EPB42: variants seen among roughly 807,000 people sequenced by gnomAD.
EPB42 encodes erythrocyte membrane protein band 4.2.
Under a neutral mutation model 76.9 loss-of-function variants are expected in EPB42, and 49 were observed. The observed-to-expected ratio is 0.64, with a 90% confidence interval of 0.51 to 0.81. The LOEUF (loss-of-function observed/expected upper bound fraction) is 0.81. Ranked by LOEUF, EPB42 falls within the 30% of genes least tolerant of loss-of-function variation. The probability of loss-of-function intolerance (pLI) is 0.00; values close to 1 mark genes in which losing one functional copy is unlikely to be tolerated. For missense variants in EPB42, 731 were observed against 867.6 expected (o/e 0.84, Z 1.98); for synonymous variants, 310 against 338.4 (o/e 0.92, Z 0.92).
At chr15:43,221,265 A>G (rs899836185), upstream of EPB42, 1 of 212,126 alleles carries the variant, frequency 4.7e-6, no homozygotes, top group African/African-American at 2.3e-5. Context: ...GGAGGCCACA[A>G]ACAGGAGTCC....
At chr15:43,222,489 T>C (rs374024794), upstream of EPB42, among the ~76,000 whole-genome samples, 9 of 152,240 alleles carry the variant, frequency 5.9e-5, no homozygotes, top group East Asian at 5.8e-4. Context: ...CCATCCTGTG[T>C]AGGACAACTC....
chr15:43,221,101 A>T, upstream of EPB42: 16 of 437,506 alleles, frequency 3.7e-5, no homozygotes, highest in East Asian at 1.4e-4. Context: ...AGGCCCAGGC[A>T]GGAATACGCC....
intron 12 of EPB42, 64 bp from the exon 13 acceptor site, chr15:43,197,528 G>A (rs2042060954): frequency 6.3e-7 from 1 of 1,590,296 alleles, no homozygotes. Flanking sequence ...TGGTCCCAGT[G>A]ACTTTGATCC....
At chr15:43,210,207 C>T (rs2042271872) in intron 5 of EPB42, 128 bp downstream of exon 5, 1 of 833,504 alleles carries the variant, frequency 1.2e-6, no homozygotes, top group African/African-American at 1.7e-5. Flanking sequence ...TAGGAACTGT[C>T]CCCACACCCT....
chr15:43,203,061 T>C, intron 11 of EPB42, 54 bp downstream of exon 11: 1 of 1,609,070 alleles, frequency 6.2e-7, no homozygotes, highest in Admixed American at 1.7e-5. Flanking sequence ...CCTTCTGAAA[T>C]GGGGACCTGA....
intron 1 of EPB42, among the ~76,000 whole-genome samples, chr15:43,219,939 C>T (rs1335320757): frequency 1.3e-5 from 2 of 148,228 alleles, no homozygotes; most frequent in African/African-American, 2.5e-5. Context: ...AGAGAGACTC[C>T]GTTTAAAAAA....
At chr15:43,201,505 G>A (rs1399048605) in intron 12 of EPB42, among the ~76,000 whole-genome samples, 1 of 152,178 alleles carries the variant, frequency 6.6e-6, no homozygotes, top group African/African-American at 2.4e-5. Flanking sequence ...TGACCACAAT[G>A]AAAGATAGCC....
intron 12 of EPB42, among the ~76,000 whole-genome samples, chr15:43,199,058 C>A (rs1391222373): frequency 6.6e-6 from 1 of 152,258 alleles, no homozygotes; most frequent in African/African-American, 2.4e-5. Flanking sequence ...GCAGGACCCT[C>A]ATGGAGAACC....
At chr15:43,216,231 G>T (rs2042376968) in intron 2 of EPB42, 37 bp downstream of exon 2, 1 of 1,610,802 alleles carries the variant, frequency 6.2e-7, no homozygotes, top group Non-Finnish European at 8.5e-7. Context: ...AACCCCCCAG[G>T]CCTGCTGCCA....
Position 43,206,090 on chromosome 15 carries a change from C to G in EPB42, c.1618+240G>C. The G allele has an allele frequency of 2.0e-6, 1 of 495,020 alleles. No homozygotes were observed. 30.7% of individuals were successfully genotyped at this position (495,020 alleles called of 1,614,324 possible). ...TGTTAAACTCAGCAAACACTTCTCA[C>G]ACTGCTACGAAGGGTCTGTTTACTT... On this transcript the variant is annotated intron_variant, in intron 10 of 12. Coordinates refer to ENST00000441366, the MANE Select transcript of EPB42 (RefSeq NM_001114134.2). The surrounding 1 kb of genome is among the most constrained non-coding windows in gnomAD (Gnocchi z 4.7).
chr15:43,216,098 A>G (rs2042373819), intron 2 of EPB42, among the ~76,000 whole-genome samples, 170 bp downstream of exon 2: 1 of 152,196 alleles, frequency 6.6e-6, no homozygotes, highest in South Asian at 2.1e-4. Context: ...AATATTTACC[A>G]GGCACATAAT....
intron 8 of EPB42, 67 bp downstream of exon 8, chr15:43,208,163 G>A (rs1364418690): frequency 6.3e-6 from 9 of 1,426,690 alleles, no homozygotes; most frequent in South Asian, 2.3e-5. Context: ...TGCTGCTCCC[G>A]AGTCCTCTCT....
upstream of EPB42, among the ~76,000 whole-genome samples, chr15:43,223,262 G>C (rs2042478554): frequency 1.3e-5 from 2 of 152,150 alleles, no homozygotes; most frequent in Admixed American, 6.6e-5. Flanking sequence ...AGGTTGCGGT[G>C]AGCTGAAACT....
chr15:43,208,577 G>GTGCTA (rs1343996984), intron 7 of EPB42, 60 bp downstream of exon 7: 8 of 1,606,480 alleles, frequency 5.0e-6, no homozygotes, highest in Non-Finnish European at 6.8e-6. Flanking sequence ...CTGCAGAGGT[G>GTGCTA]TGCTATGCAG....
intron 1 of EPB42, among the ~76,000 whole-genome samples, chr15:43,218,315 C>T (rs537024877): frequency 2.6e-5 from 4 of 152,096 alleles, no homozygotes; most frequent in Non-Finnish European, 5.9e-5. Context: ...CATAGTGTTA[C>T]GGCAAGAGTC....
At chr15:43,208,854 G>T in intron 6 of EPB42, 79 bp from the exon 7 acceptor site, 2 of 1,510,168 alleles carry the variant, frequency 1.3e-6, no homozygotes, top group African/African-American at 1.4e-5. Context: ...GATTTTCAGT[G>T]TCTCCTCTGG....
intron 12 of EPB42, among the ~76,000 whole-genome samples, chr15:43,201,137 T>G (rs546607666): frequency 6.6e-6 from 1 of 152,252 alleles, no homozygotes. Flanking sequence ...AACAAGTATA[T>G]AAGGAGACTT....
rs1278632382 is a variant in EPB42, at chr15:43,207,317, C to T, written c.1200G>A (p.Glu400=). ...AGTCAGTCAACTCCAGTGTCCCATC[C>T]TCACAGCACTTCCAGACCACACATG... ...NASCVVWKCC[E]DGTLELTDSN... is the part of the protein sequence containing the mutation. Residue 400 remains glutamate, a synonymous_variant, in exon 9 of 13, where the codon GAG becomes GAA. Transcript: ENST00000441366. 6 of 1,614,102 alleles carry T rather than the reference C, an allele frequency of 3.7e-6. No homozygotes were observed. Among genetic ancestry groups the T allele is most frequent in the African/African-American group, 1.3e-5 (1 of 74,932 alleles).
chr15:43,216,315 C>A lies in EPB42; in HGVS notation c.149G>T (p.Arg50Leu). The A allele has an allele frequency of 6.2e-7, 1 of 1,614,168 alleles. No homozygotes were observed. Among genetic ancestry groups the A allele is most frequent in the Non-Finnish European group, 8.5e-7 (1 of 1,180,030 alleles). Residue 50 changes from arginine (R) to leucine (L), a missense_variant, in exon 2 of 13, where the codon CGT becomes CTT. By Grantham distance (102) the Arg-to-Leu change is moderately radical. Coordinates refer to ENST00000441366, the MANE Select transcript of EPB42 (RefSeq NM_001114134.2). Reference protein sequence around the residue: ...TIILYFRAPVRAFLPALKKVA... With the variant: ...TIILYFRAPVLAFLPALKKVA... The stretch of plus-strand genomic sequence containing the variant: ...CTTCTTCAGGGCAGGCAGAAATGCA[C>A]GGACTGGAGCGCGGAAGTACAGGAT...
Sources: gnomAD v4.1 joint callset for allele counts (sites outside exome capture counted in the v4.1 genomes callset) on GRCh38, gnomAD v4.1.1 for gene constraint, Gnocchi (gnomAD v3.1) non-coding constraint, MANE v1.5 for transcripts, NCBI Gene and HGNC (gene_info 2026-07-23, HGNC 2026-07-21) for gene names.